Variants in ADA2 observed in about 807,000 individuals in gnomAD.
ADA2 encodes adenosine deaminase 2, also known as adenosine deaminase CECR1.
ADA2 carries 29 observed loss-of-function variants against 44.2 expected under a neutral mutation model. The ratio of observed to expected loss-of-function variants is 0.66; its 90% CI spans 0.49 to 0.89. The LOEUF (loss-of-function observed/expected upper bound fraction) is 0.89. ADA2 is among the 40% of genes least tolerant of loss of function. The probability of loss-of-function intolerance (pLI) is 0.00; values close to 1 mark genes in which losing one functional copy is unlikely to be tolerated. For synonymous variants in ADA2, 215 were observed against 234.9 expected (o/e 0.92, Z 0.77); for missense variants, 637 against 644.8 (o/e 0.99, Z 0.13).
chr22:17,203,722 T>A lies in ADA2; in HGVS notation c.594A>T (p.Thr198=), dbSNP rs372623379. The part of the protein sequence containing the change: ...LVTQHPEVIY[T]NQNVVWSKFE... ...ATTTCGACCAGACAACATTTTGGTT[T>A]GTGTAAATCACCTCCGGGTGCTGGG... Residue 198 remains threonine, a synonymous_variant, in exon 4 of 10, where the codon ACA becomes ACT. Coordinates refer to ENST00000399837, the MANE Select transcript of ADA2 (RefSeq NM_001282225.2). 3.7e-6 allele frequency: 6 copies of A among 1,614,052 alleles called. No individual in the cohort carries two copies. The African/African-American group carries it at 5.3e-5, about 14-fold the overall frequency.
Position 17,217,240 on chromosome 22 carries a change from GA to G in ADA2, c.-47+2115del, listed in dbSNP as rs796115081. Among the ~76,000 whole-genome samples, 1,101 of 146,326 alleles carry G rather than the reference GA, an allele frequency of 7.5e-3. 10 individuals carry two copies. Among genetic ancestry groups the G allele is most frequent in the African/African-American group, 0.026 (1,051 of 40,080 alleles). On this transcript the variant is annotated intron_variant, in intron 1 of 9. Coordinates refer to ENST00000399837, the MANE Select transcript of ADA2 (RefSeq NM_001282225.2). Reference sequence around the variant, plus strand: ...ATAACAGACATTTCAGAAGGAAAAAGAAAAAAAAAACAGGTGAAGGAAATAA... The same window carrying G: ...ATAACAGACATTTCAGAAGGAAAAAGAAAAAAAAACAGGTGAAGGAAATAA...
At chr22:17,199,589 G>T (rs1568981026) in intron 4 of ADA2, 1 of 1,614,058 alleles carries the variant, frequency 6.2e-7, no homozygotes, top group Admixed American at 1.7e-5. Context: ...CTCCCCTCCG[G>T]AAAAAGGAAA....
chr22:17,188,275 C>A (rs971794431), intron 7 of ADA2, 64 bp downstream of exon 7: 105 of 1,194,336 alleles, frequency 8.8e-5, no homozygotes, highest in Non-Finnish European at 1.3e-4. Flanking sequence ...GAGGCATGGG[C>A]CTGTGGCCAG....
chr22:17,190,589 C>T (rs746172938), intron 5 of ADA2, among the ~76,000 whole-genome samples: 1 of 151,852 alleles, frequency 6.6e-6, no homozygotes, highest in Non-Finnish European at 1.5e-5. Context: ...CAGGGTCTGG[C>T]GCAAGCCCAC....
intron 4 of ADA2, chr22:17,199,488 C>T: frequency 6.8e-7 from 1 of 1,475,946 alleles, no homozygotes; most frequent in Non-Finnish European, 9.5e-7. Flanking sequence ...GTCGGAGTTC[C>T]CTATGCACTC....
chr22:17,191,753 C>T lies in ADA2; in HGVS notation c.811G>A (p.Glu271Lys), dbSNP rs2062117731. 2 of 1,613,350 alleles carry T rather than the reference C, an allele frequency of 1.2e-6. No homozygotes were observed. The highest frequency in any genetic ancestry group is 1.3e-5 in the African/African-American group (1 of 74,914). The change falls in exon 5 of 10, where the codon GAA becomes AAA. Residue 271 changes from glutamate to lysine, a missense_variant. Transcript: ENST00000399837. ...GTTTCCACAAACTTCTGAGCTACTT[C>T]CTGGTAAGTCTTCACTGACCACTCT... ...DEEWSVKTYQEVAQKFVETHP... is the reference protein window; with the variant it reads ...DEEWSVKTYQKVAQKFVETHP...
rs1412098385 is a variant in ADA2 at position 17,189,993 on chromosome 22, C to T, written c.921G>A (p.Met307Ile). The change falls in exon 6 of 10, where the codon ATG becomes ATA. Residue 307 changes from methionine (M) to isoleucine (I), a missense_variant. By Grantham distance (10) the Met-to-Ile change is conservative. Coordinates refer to ENST00000399837, the MANE Select transcript of ADA2 (RefSeq NM_001282225.2). The part of the protein sequence containing the change: ...DVAVIAESIR[M>I]AMGLRIKFPT... ...GGAACTTGATTCGGAGCCCCATGGCCATTCGGATGGATTCTGCGATGACAG... is the reference window on the plus strand; with the variant it reads ...GGAACTTGATTCGGAGCCCCATGGCTATTCGGATGGATTCTGCGATGACAG... 1 of 1,614,066 alleles carries T rather than the reference C, an allele frequency of 6.2e-7. No individual in the cohort carries two copies. Among genetic ancestry groups the T allele is most frequent in the Non-Finnish European group, 8.5e-7 (1 of 1,179,932 alleles).
intron 6 of ADA2, chr22:17,188,868 A>AAAAAAAAAAAAAAAATAT: frequency 1.2e-4 from 10 of 81,128 alleles, no homozygotes; most frequent in African/African-American, 4.2e-4. Context: ...AAGAGCAAAA[A>AAAAAAAAAAAAAAAATAT]ATATATATAT....
chr22:17,216,709 G>A (rs2062475802), intron 1 of ADA2, among the ~76,000 whole-genome samples: 1 of 150,126 alleles, frequency 6.7e-6, no homozygotes, highest in South Asian at 2.1e-4. Context: ...GCAGTGAGCC[G>A]AGTTCGTGCC....
In ADA2 at chr22:17,219,344, G is replaced by T. The variant is rs1319000731; in HGVS notation, c.-47+12C>A. 6.6e-6 allele frequency: 1 copy of T among 152,376 alleles called. No homozygotes were observed. Among genetic ancestry groups the T allele is most frequent in the South Asian group, 2.1e-4 (1 of 4,828 alleles). The allele number at this position is 152,376 out of a possible 1,614,324, so 9.4% of individuals were successfully genotyped here. A position where few individuals can be genotyped will look rare whatever the true frequency, so the allele number is the denominator to read the frequency against. On this transcript the variant is annotated intron_variant, in intron 1 of 9. Transcript: ENST00000399837. ...CCTCATCATCCCACAGCTCCCAAAGGACCCCAGTTACCTCGGAACAGCTCC... is the reference window on the plus strand; with the variant it reads ...CCTCATCATCCCACAGCTCCCAAAGTACCCCAGTTACCTCGGAACAGCTCC...
Position 17,209,682 on chromosome 22 carries a change from A to G in ADA2, c.-5T>C. On this transcript the variant is annotated 5_prime_UTR_variant, in exon 2 of 10. Transcript: ENST00000399837. The stretch of plus-strand genomic sequence containing the variant: ...AGATGGGCCATCCACCAACATCGGG[A>G]TGCCTGGACTAGGAAAGGGCTCAGA... 6.2e-7 allele frequency: 1 copy of G among 1,609,726 alleles called. No homozygotes were observed.
rs190477642 is a variant in ADA2, at chr22:17,214,826, T to C, written c.-47+4530A>G. 1.6e-4 allele frequency among the ~76,000 whole-genome samples: 24 copies of C among 152,358 alleles called. No individual in the cohort carries two copies. In the East Asian group the frequency reaches 4.2e-3, roughly 27 times the overall value. ...CAGGTACTCCTAATGGGTATTGCCA[T>C]GGCAGACATTGCTAATGGATCACAG... On this transcript the variant is annotated intron_variant, in intron 1 of 9. Coordinates refer to ENST00000399837, the MANE Select transcript of ADA2 (RefSeq NM_001282225.2).
At chr22:17,194,156 CAG>C (rs1278757170) in intron 4 of ADA2, among the ~76,000 whole-genome samples, 1 of 152,154 alleles carries the variant, frequency 6.6e-6, no homozygotes, top group Non-Finnish European at 1.5e-5. Flanking sequence ...TGGCTCCACA[CAG>C]AGTCAAGAGC....
At chr22:17,181,600 G>C in intron 9 of ADA2, 24 bp from the exon 10 acceptor site, 1 of 1,525,796 alleles carries the variant, frequency 6.6e-7, no homozygotes, top group Non-Finnish European at 9.1e-7. Context: ...AGGAGCCCAG[G>C]TCAGCCTCAG....
intron 8 of ADA2, 72 bp downstream of exon 8, chr22:17,182,532 C>G: frequency 6.1e-6 from 9 of 1,473,544 alleles, no homozygotes; most frequent in Non-Finnish European, 8.5e-6. Flanking sequence ...AGTTATACAG[C>G]AAAAAGTTTA....
chr22:17,199,423 T>TCCCCTCCTCTATCCACTTCCCCTCCCA, intron 4 of ADA2: 1 of 902,824 alleles, frequency 1.1e-6, no homozygotes, highest in Non-Finnish European at 1.8e-6. Context: ...GTCTCCTCCC[T>TCCCCTCCTCTATCCACTTCCCCTCCCA]CCCCTCCTCT....
At position 17,188,868 on chromosome 22, in the gene ADA2, A is replaced by AAAAAAAAAAAAAAAAAAAAATAT; in HGVS notation, c.973-422_973-421insATATTTTTTTTTTTTTTTTTTTT. ...CACTACAGCCTGGCCAAGAGCAAAA[A>AAAAAAAAAAAAAAAAAAAAATAT]ATATATATATATATATATTTTGTAA... On this transcript the variant is annotated intron_variant, in intron 6 of 9. Coordinates refer to ENST00000399837, the MANE Select transcript of ADA2 (RefSeq NM_001282225.2). 1.1e-3 allele frequency: 86 copies of AAAAAAAAAAAAAAAAAAAAATAT among 81,150 alleles called. 3 individuals are homozygous for AAAAAAAAAAAAAAAAAAAAATAT. Among genetic ancestry groups the AAAAAAAAAAAAAAAAAAAAATAT allele is most frequent in the African/African-American group, 3.2e-3 (77 of 23,788 alleles). The allele number at this position is 81,150 out of a possible 1,614,324, so 5.0% of individuals were successfully genotyped here. A position where few individuals can be genotyped will look rare whatever the true frequency, so the allele number is the denominator to read the frequency against.
At chr22:17,185,290 C>A (rs996738796) in intron 7 of ADA2, among the ~76,000 whole-genome samples, 2 of 151,254 alleles carry the variant, frequency 1.3e-5, no homozygotes, top group Non-Finnish European at 3.0e-5. Context: ...GGCAGGCGCC[C>A]GAGTAGTCCC....
chr22:17,186,653 G>C (rs2062039202), intron 7 of ADA2, among the ~76,000 whole-genome samples: 1 of 151,852 alleles, frequency 6.6e-6, no homozygotes, highest in Admixed American at 6.6e-5. Context: ...TGGATCACTT[G>C]AGGTCAGGAG....
Sources: gnomAD v4.1 joint callset for allele counts (sites outside exome capture counted in the v4.1 genomes callset) on GRCh38, gnomAD v4.1.1 for gene constraint, MANE v1.5 for transcripts, NCBI Gene and HGNC (gene_info 2026-07-23, HGNC 2026-07-21) for gene names.